XDH: variants seen among roughly 807,000 people sequenced by gnomAD.
XDH encodes the protein xanthine dehydrogenase/oxidase.
XDH carries 138 observed loss-of-function variants against 156.1 expected under a neutral mutation model. The observed-to-expected ratio is 0.88, with a 90% CI of 0.77 to 1.02. The LOEUF is 1.02. Among genes scored for constraint, XDH ranks in the 50% least tolerant of loss-of-function variants. The pLI is 0.00. For missense variants in XDH, 1,849 were observed against 1,684.9 expected (o/e 1.10, Z -1.71); for synonymous variants, 669 against 625.7 (o/e 1.07, Z -1.03).
At position 31,406,813 on chromosome 2, in the gene XDH, C is replaced by T. The variant is rs137921488; in HGVS notation, c.43-849G>A. 1.2e-3 allele frequency among the ~76,000 whole-genome samples: 184 copies of T among 152,318 alleles called. 1 individual carries two copies. Among genetic ancestry groups the T allele is most frequent in the African/African-American group, 3.7e-3 (153 of 41,572 alleles). Reference sequence around the variant, plus strand: ...AGATCCTGCATGTGACTGTGGAAGGCCATTCTGTTGGCCTGTGCTCAGAGC... The same window carrying T: ...AGATCCTGCATGTGACTGTGGAAGGTCATTCTGTTGGCCTGTGCTCAGAGC... On this transcript the variant is annotated intron_variant, in intron 1 of 35. Coordinates refer to ENST00000379416, the MANE Select transcript of XDH (RefSeq NM_000379.4).
intron 24 of XDH, among the ~76,000 whole-genome samples, chr2:31,363,003 G>A (rs113796152): frequency 6.4e-4 from 97 of 152,310 alleles, no homozygotes; most frequent in African/African-American, 2.2e-3. Context: ...CAGGAGTGAC[G>A]TAGTGATACA....
Position 31,400,307 on chromosome 2 carries a change from C to T in XDH, c.306+913G>A, listed in dbSNP as rs147799450. Among the ~76,000 whole-genome samples the T allele has an allele frequency of 7.3e-4, 108 of 147,704 alleles. No homozygotes were observed. The East Asian group carries it at 0.02, about 27-fold the overall frequency. ...AGGCTGGAGTCCAGTGGCACGATCT[C>T]GGCTCACTGCAAGCTCCATCTCCCA... On this transcript the variant is annotated intron_variant, in intron 4 of 35. Coordinates refer to ENST00000379416, the MANE Select transcript of XDH (RefSeq NM_000379.4).
At chr2:31,345,909 T>C (rs1685275853) in intron 30 of XDH, among the ~76,000 whole-genome samples, 1 of 152,108 alleles carries the variant, frequency 6.6e-6, no homozygotes, top group South Asian at 2.1e-4. Flanking sequence ...GATAAATCCA[T>C]GCTAAAACCC....
chr2:31,397,316 A>G (rs1022465751), intron 6 of XDH, among the ~76,000 whole-genome samples: 3 of 152,204 alleles, frequency 2.0e-5, no homozygotes, highest in African/African-American at 7.2e-5. Flanking sequence ...ATTAAATGCT[A>G]CATTCAGCAC....
chr2:31,355,934 A>G (rs1685611929), intron 24 of XDH, among the ~76,000 whole-genome samples: 1 of 152,214 alleles, frequency 6.6e-6, no homozygotes, highest in Non-Finnish European at 1.5e-5. Flanking sequence ...AAAAAGATAT[A>G]ACATGCAAAC....
At chr2:31,344,619 G>A (rs565276567) in intron 31 of XDH, 65 bp downstream of exon 31, 3 of 1,583,856 alleles carry the variant, frequency 1.9e-6, no homozygotes, top group East Asian at 4.5e-5. Flanking sequence ...TTCGGTGCTG[G>A]AGTGGACCAG....
Position 31,391,737 on chromosome 2 carries a change from C to A in XDH, c.496-3442G>T, listed in dbSNP as rs147014876. Among the ~76,000 whole-genome samples the A allele has an allele frequency of 3.8e-3, 581 of 152,252 alleles. 3 individuals carry two copies. The highest frequency in any genetic ancestry group is 0.012 in the African/African-American group (517 of 41,544). On this transcript the variant is annotated intron_variant, in intron 6 of 35. Transcript: ENST00000379416. ...TTTTTAGATTCATACCTAAGTATTA[C>A]ATTTGTTGGAGAGTATTAATGTAAA...
chr2:31,353,983 C>T (rs1311974434), intron 24 of XDH, among the ~76,000 whole-genome samples: 1 of 152,146 alleles, frequency 6.6e-6, no homozygotes, highest in Non-Finnish European at 1.5e-5. Flanking sequence ...TCCCCACCCA[C>T]ATAACAAAGA....
chr2:31,390,661 C>T (rs1326346827), intron 6 of XDH, among the ~76,000 whole-genome samples: 1 of 152,220 alleles, frequency 6.6e-6, no homozygotes, highest in Non-Finnish European at 1.5e-5. Flanking sequence ...CCCACATCCT[C>T]ACCAGAATCT....
At chr2:31,372,090 C>G (rs544483216) in intron 17 of XDH, 138 bp downstream of exon 17, 3 of 1,311,876 alleles carry the variant, frequency 2.3e-6, no homozygotes, top group South Asian at 1.2e-5. Context: ...GTCTTCCCCT[C>G]TCTCTAGCCT....
intron 16 of XDH, 62 bp downstream of exon 16, chr2:31,373,811 A>T: frequency 6.4e-7 from 1 of 1,562,796 alleles, no homozygotes. Flanking sequence ...ATGGTCAGCC[A>T]CTAGCCAACT....
At chr2:31,399,978 C>T (rs913435414) in intron 4 of XDH, among the ~76,000 whole-genome samples, 4 of 152,196 alleles carry the variant, frequency 2.6e-5, no homozygotes, top group African/African-American at 9.6e-5. Context: ...AAGAAAATAA[C>T]AAGCCTTAAT....
At chr2:31,368,728 G>T in intron 18 of XDH, 68 bp from the exon 19 acceptor site, 1 of 1,613,620 alleles carries the variant, frequency 6.2e-7, no homozygotes, top group Non-Finnish European at 8.5e-7. Flanking sequence ...TTTTTGGATT[G>T]TTCAAAAAGC....
At chr2:31,403,362 A>C (rs2148008147) in intron 2 of XDH, among the ~76,000 whole-genome samples, 1 of 152,304 alleles carries the variant, frequency 6.6e-6, no homozygotes, top group South Asian at 2.1e-4. Context: ...TGCACAGAAG[A>C]GCAAAGGCAT....
chr2:31,412,182 C>G (rs1687359424), intron 1 of XDH, among the ~76,000 whole-genome samples: 1 of 152,112 alleles, frequency 6.6e-6, no homozygotes, highest in Non-Finnish European at 1.5e-5. Flanking sequence ...AAATAAAATA[C>G]TGGACAGCTC....
intron 12 of XDH, 143 bp downstream of exon 12, chr2:31,381,490 A>C: frequency 1.2e-6 from 1 of 852,524 alleles, no homozygotes; most frequent in Non-Finnish European, 1.9e-6. Flanking sequence ...AACCAGGTAC[A>C]TTCTCCATGC....
chr2:31,368,638 A>G lies in XDH; in HGVS notation c.2003T>C (p.Ile668Thr), dbSNP rs1310984114. Residue 668 changes from isoleucine (I) to threonine (T), a missense_variant, in exon 19 of 36, where the codon ATT (isoleucine) becomes ACT (threonine). By Grantham distance (89) the Ile-to-Thr change is moderately conservative (BLOSUM62 -1). Coordinates refer to ENST00000379416, the MANE Select transcript of XDH (RefSeq NM_000379.4). Reference sequence around the variant, plus strand: ...CGGGGTGTCAGCAACCACAGCACCAATGATATGCCCAACACAAGTAACCTA... The same window carrying G: ...CGGGGTGTCAGCAACCACAGCACCAGTGATATGCCCAACACAAGTAACCTA... ...KDKVTCVGHIIGAVVADTPEH... is the reference protein window; with the variant it reads ...KDKVTCVGHITGAVVADTPEH... The G allele has an allele frequency of 6.2e-7, 1 of 1,614,220 alleles. No homozygotes were observed. Among genetic ancestry groups the G allele is most frequent in the Non-Finnish European group, 8.5e-7 (1 of 1,180,036 alleles).
intron 14 of XDH, 100 bp from the exon 15 acceptor site, chr2:31,375,654 G>T (rs763648889): frequency 6.3e-6 from 9 of 1,438,164 alleles, no homozygotes; most frequent in Non-Finnish European, 8.5e-6. Context: ...ACAAAGCTTG[G>T]TTCAAAATTT....
At chr2:31,359,558 C>A (rs1685719177) in intron 24 of XDH, among the ~76,000 whole-genome samples, 1 of 152,126 alleles carries the variant, frequency 6.6e-6, no homozygotes, top group Non-Finnish European at 1.5e-5. Flanking sequence ...TCAAGACCAC[C>A]AGTGATCTGC....
Sources: gnomAD v4.1 joint callset for allele counts (sites outside exome capture counted in the v4.1 genomes callset) on GRCh38, gnomAD v4.1.1 for gene constraint, MANE v1.5 for transcripts, NCBI Gene and HGNC (gene_info 2026-07-23, HGNC 2026-07-21) for gene names.